PMVK: variants seen among roughly 807,000 people sequenced by gnomAD.
PMVK encodes the protein testis tissue sperm-binding protein Li 95mP.
A neutral mutation model predicts 19.0 loss-of-function variants in PMVK; 10 were observed. The observed-to-expected ratio is 0.53, with a 90% confidence interval of 0.32 to 0.89. PMVK has a LOEUF of 0.89. Among genes scored for constraint, PMVK ranks in the 40% least tolerant of loss-of-function variants. PMVK has a pLI of 0.03. For missense variants in PMVK, 222 were observed against 251.1 expected (o/e 0.88, Z 0.78); for synonymous variants, 108 against 101.6 (o/e 1.06, Z -0.38).
chr1:154,942,351 G>A, the PMVK span, among the ~76,000 whole-genome samples: 1 of 152,220 alleles, frequency 6.6e-6, no homozygotes, highest in East Asian at 1.9e-4. Flanking sequence ...CTGTCCCTTG[G>A]CTCTAGCCTC....
chr1:154,941,744 C>T, the PMVK span, among the ~76,000 whole-genome samples: 1 of 152,186 alleles, frequency 6.6e-6, no homozygotes, highest in African/African-American at 2.4e-5. Context: ...ACCCACCCAC[C>T]CCATCTGTCT....
intron 1 of PMVK, chr1:154,936,267 A>T (rs1654501098): frequency 2.4e-6 from 1 of 421,586 alleles, no homozygotes; most frequent in Non-Finnish European, 3.2e-6. Flanking sequence ...TTTTTCGTAG[A>T]GGCGGGGTCT....
chr1:154,930,446 G>A (rs1223091801), intron 2 of PMVK, among the ~76,000 whole-genome samples: 2 of 152,330 alleles, frequency 1.3e-5, no homozygotes, highest in South Asian at 4.1e-4. Flanking sequence ...GGGCGACAGA[G>A]CGAGACTCCG....
chr1:154,925,358 G>T, intron 4 of PMVK, 93 bp from the exon 5 acceptor site: 1 of 1,386,658 alleles, frequency 7.2e-7, no homozygotes, highest in Non-Finnish European at 1.0e-6. Context: ...GGGCCCTCCC[G>T]GCCTCTCCTC....
intron 3 of PMVK, among the ~76,000 whole-genome samples, chr1:154,927,721 C>T (rs190086277): frequency 1.5e-4 from 23 of 152,114 alleles, no homozygotes; most frequent in Non-Finnish European, 2.9e-4. Context: ...ACACTCACCA[C>T]TCAAGCCTCT....
Position 154,928,774 on chromosome 1 carries a change from AAAATAAATAAATAAAT to A in PMVK, c.312+234_312+249del, listed in dbSNP as rs55948301. 1.3e-4 allele frequency among the ~76,000 whole-genome samples: 18 copies of A among 142,082 alleles called. No homozygotes were observed. In the South Asian group the frequency reaches 2.7e-3, roughly 21 times the overall value. 93.2% of individuals were successfully genotyped at this position (142,082 alleles called of 152,430 possible). A position where few individuals can be genotyped will look rare whatever the true frequency, so the allele number is the denominator to read the frequency against. ...GCGACAAGTGTGAGACTCCATCTCA[AAAATAAATAAATAAAT>A]AAATAAATAAATAAATAAATAAATA... On this transcript the variant is annotated intron_variant, in intron 3 of 4. Transcript: ENST00000368467.
chr1:154,936,747 A>T, upstream of PMVK: 1 of 1,415,098 alleles, frequency 7.1e-7, no homozygotes. Flanking sequence ...AAATCGGGAC[A>T]CCGCGCGGAA....
At chr1:154,939,211 C>T (rs978770041), upstream of PMVK, among the ~76,000 whole-genome samples, 3 of 152,176 alleles carry the variant, frequency 2.0e-5, no homozygotes, top group African/African-American at 7.2e-5. Flanking sequence ...TGGACACACC[C>T]TGGGCTTTGT....
upstream of PMVK, among the ~76,000 whole-genome samples, chr1:154,941,277 C>A (rs1195494391): frequency 6.6e-6 from 1 of 152,190 alleles, no homozygotes; most frequent in Non-Finnish European, 1.5e-5. Flanking sequence ...GCGGCAGTCA[C>A]CTATCCTGGG....
intron 1 of PMVK, 76 bp downstream of exon 1, chr1:154,936,515 C>G (rs994368851): frequency 1.9e-6 from 3 of 1,539,000 alleles, no homozygotes; most frequent in Non-Finnish European, 2.6e-6. Context: ...AAGCTCACTC[C>G]GTGACACCCA....
intron 3 of PMVK, among the ~76,000 whole-genome samples, chr1:154,926,728 G>C (rs1654175820): frequency 6.6e-6 from 1 of 152,204 alleles, no homozygotes; most frequent in Non-Finnish European, 1.5e-5. Context: ...AAGTATTATA[G>C]TAAGTACCTA....
chr1:154,940,188 A>T (rs752896700), upstream of PMVK, among the ~76,000 whole-genome samples: 1 of 152,216 alleles, frequency 6.6e-6, no homozygotes, highest in African/African-American at 2.4e-5. Flanking sequence ...GACCTTCCAA[A>T]GGGAGCTATC....
intron 1 of PMVK, among the ~76,000 whole-genome samples, chr1:154,933,332 C>T (rs954375425): frequency 1.3e-5 from 2 of 151,550 alleles, no homozygotes; most frequent in Non-Finnish European, 2.9e-5. Context: ...ACTCGGGAGG[C>T]TGAGGCAGGA....
rs781411186 is a variant in PMVK, at chr1:154,925,163, T to C, written c.545A>G (p.Glu182Gly). The change falls in exon 5 of 5, where the codon GAG becomes GGG. Residue 182 changes from glutamate to glycine, a missense_variant. By Grantham distance (98) the Glu-to-Gly change is moderately conservative. Coordinates refer to ENST00000368467, the MANE Select transcript of PMVK (RefSeq NM_006556.4). ...GVEQRLEEQL[E>G]NLIEFIRSRL ...GGAGCGGATAAATTCTATCAGGTTC[T>C]CCAACTGCTCCTCCAGGCGCTGTTC... 10 of 1,613,114 alleles carry C rather than the reference T, an allele frequency of 6.2e-6. No homozygotes were observed. The highest frequency in any genetic ancestry group is 2.7e-5 in the African/African-American group (2 of 74,580).
chr1:154,929,876 G>C (rs1654283104), intron 2 of PMVK, among the ~76,000 whole-genome samples: 1 of 152,134 alleles, frequency 6.6e-6, no homozygotes, highest in African/African-American at 2.4e-5. Context: ...GCTCCTCCAT[G>C]AACTCACTGC....
At chr1:154,940,063 C>G (rs1176254822), upstream of PMVK, among the ~76,000 whole-genome samples, 1 of 152,180 alleles carries the variant, frequency 6.6e-6, no homozygotes, top group Admixed American at 6.5e-5. Flanking sequence ...AGGCATGAGC[C>G]ACAGCGCCCA....
Position 154,924,855 on chromosome 1 carries a change from C to T in PMVK, c.*274G>A, listed in dbSNP as rs140181031. Reference sequence around the variant, plus strand: ...GGCCACCACAGGCTGAGGGGACTGGCACTGGGGATATGGCAGGGTTTCGCC... The same window carrying T: ...GGCCACCACAGGCTGAGGGGACTGGTACTGGGGATATGGCAGGGTTTCGCC... On this transcript the variant is annotated 3_prime_UTR_variant, in exon 5 of 5. Coordinates refer to ENST00000368467, the MANE Select transcript of PMVK (RefSeq NM_006556.4). 3.5e-4 allele frequency: 158 copies of T among 454,628 alleles called. No individual in the cohort carries two copies. Among genetic ancestry groups the T allele is most frequent in the African/African-American group, 2.9e-3 (147 of 50,950 alleles). The allele number at this position is 454,628 out of a possible 1,614,324, so 28.2% of individuals were successfully genotyped here.
chr1:154,936,973 A>G (rs1271526954), upstream of PMVK: 1 of 382,198 alleles, frequency 2.6e-6, no homozygotes, highest in Non-Finnish European at 5.0e-6. Flanking sequence ...AGAACAGTCC[A>G]GCCCCGCCCA....
upstream of PMVK, among the ~76,000 whole-genome samples, chr1:154,940,492 A>G (rs12095061): frequency 2.6e-5 from 4 of 151,980 alleles, no homozygotes; most frequent in African/African-American, 7.3e-5. Flanking sequence ...GCAGGCTGCC[A>G]GTGGCAGAAT....
Sources: allele counts gnomAD v4.1 joint callset (sites outside exome capture counted in the v4.1 genomes callset), GRCh38; gene constraint gnomAD v4.1.1; transcripts MANE v1.5; gene names NCBI Gene and HGNC (gene_info 2026-07-23, HGNC 2026-07-21).